Variants in DCAF5 observed in about 807,000 individuals in gnomAD.
DCAF5 encodes the protein DDB1 and CUL4 associated factor 5.
DCAF5 carries 9 observed loss-of-function variants against 80.7 expected under a neutral mutation model. The ratio of observed to expected loss-of-function variants is 0.11; its 90% CI spans 0.07 to 0.19. DCAF5 has a LOEUF of 0.19. Among genes scored for constraint, DCAF5 ranks in the 10% least tolerant of loss-of-function variants. The pLI is 1.00. For synonymous variants in DCAF5, 433 were observed against 461.9 expected (o/e 0.94, Z 0.80); for missense variants, 842 against 1,205.7 (o/e 0.70, Z 4.47).
At chr14:69,124,373 G>A (rs1169105896) in intron 1 of DCAF5, among the ~76,000 whole-genome samples, 7 of 151,996 alleles carry the variant, frequency 4.6e-5, no homozygotes, top group Non-Finnish European at 1.0e-4. Flanking sequence ...TTCCTATACT[G>A]CTTGACTTTT....
intron 6 of DCAF5, chr14:69,083,548 G>T: frequency 2.6e-6 from 1 of 383,798 alleles, no homozygotes. Context: ...AACGGGAGGT[G>T]GAAAGGTTAA....
At chr14:69,062,566 G>A in intron 7 of DCAF5, 55 bp from the exon 8 acceptor site, 2 of 1,596,866 alleles carry the variant, frequency 1.3e-6, no homozygotes, top group East Asian at 4.5e-5. Flanking sequence ...AAAGTAAATA[G>A]GTTCCAGTAA....
At chr14:69,084,532 T>C (rs939300252) in intron 6 of DCAF5, 45 of 757,378 alleles carry the variant, frequency 5.9e-5, no homozygotes, top group Non-Finnish European at 9.9e-5. Context: ...AGCCATTGTA[T>C]GTTGGTGTTG....
At chr14:69,057,970 C>T (rs191345496) in intron 8 of DCAF5, among the ~76,000 whole-genome samples, 1 of 152,262 alleles carries the variant, frequency 6.6e-6, no homozygotes, top group East Asian at 1.9e-4. Context: ...GAGAATGATA[C>T]CAAAGCCCAT....
chr14:69,148,388 T>G (rs778101006), intron 1 of DCAF5, among the ~76,000 whole-genome samples: 6 of 152,110 alleles, frequency 3.9e-5, no homozygotes, highest in Non-Finnish European at 8.8e-5. Context: ...AAGTATAAGC[T>G]AGTCTTTATA....
At chr14:69,065,294 A>G (rs756961343) in intron 7 of DCAF5, among the ~76,000 whole-genome samples, 1 of 151,988 alleles carries the variant, frequency 6.6e-6, no homozygotes, top group Non-Finnish European at 1.5e-5. Context: ...ACGGGGTTTC[A>G]CCATCTTAGC....
chr14:69,090,172 A>T, intron 6 of DCAF5: 11 of 938,622 alleles, frequency 1.2e-5, no homozygotes, highest in Non-Finnish European at 1.4e-5. Flanking sequence ...AAAAGCAAAG[A>T]AAGAAGGAAA....
At chr14:69,061,238 T>A (rs1373520808) in intron 8 of DCAF5, among the ~76,000 whole-genome samples, 4 of 152,272 alleles carry the variant, frequency 2.6e-5, no homozygotes, top group Non-Finnish European at 4.4e-5. Context: ...GTGATCCTTT[T>A]GCCTCAGCCT....
chr14:69,055,240 G>T lies in DCAF5; in HGVS notation c.1446C>A (p.His482Gln), dbSNP rs759538384. 21 of 1,614,126 alleles carry T rather than the reference G, an allele frequency of 1.3e-5. No individual in the cohort carries two copies. Among genetic ancestry groups the T allele is most frequent in the Non-Finnish European group, 1.7e-5 (20 of 1,180,046 alleles). The change falls in exon 9 of 9, where the codon CAC becomes CAA. Residue 482 changes from histidine (H) to glutamine (Q), a missense_variant. Physicochemically the swap from His to Gln is conservative, Grantham distance 24. Coordinates refer to ENST00000341516, the MANE Select transcript of DCAF5 (RefSeq NM_003861.3). This position sits in a 1 kb window ranked among gnomAD's most constrained non-coding sequence, Gnocchi z 5.6. ...TGGTGGTGACCCGCAGGGGCCCCAG[G>T]TGGAAGGCGTTGTCGGCAGACTCAT... ...TVDESADNAF[H>Q]LGPLRVTTTN...
intron 5 of DCAF5, among the ~76,000 whole-genome samples, chr14:69,109,298 C>T (rs959686094): frequency 6.7e-6 from 1 of 150,304 alleles, no homozygotes; most frequent in Non-Finnish European, 1.5e-5. Flanking sequence ...GAGTTGAGAT[C>T]GCGCCACTCT....
intron 5 of DCAF5, among the ~76,000 whole-genome samples, chr14:69,098,161 C>G (rs2139992536): frequency 6.6e-6 from 1 of 152,306 alleles, no homozygotes; most frequent in African/African-American, 2.4e-5. Flanking sequence ...CCTTATTCAA[C>G]TTCAACCACA....
At chr14:69,115,326 G>A (rs1239749205) in intron 5 of DCAF5, among the ~76,000 whole-genome samples, 2 of 152,064 alleles carry the variant, frequency 1.3e-5, no homozygotes, top group Admixed American at 1.3e-4. Flanking sequence ...CACACCTCTG[G>A]GCTACACCGA....
At chr14:69,075,292 A>G in intron 7 of DCAF5, 53 bp downstream of exon 7, 1 of 1,498,022 alleles carries the variant, frequency 6.7e-7, no homozygotes, top group Non-Finnish European at 9.2e-7. Context: ...ACAGCATGCC[A>G]AAGGTCAACA....
At chr14:69,092,529 C>T (rs541395491) in intron 5 of DCAF5, among the ~76,000 whole-genome samples, 4 of 152,124 alleles carry the variant, frequency 2.6e-5, no homozygotes, top group African/African-American at 9.6e-5. Context: ...GAGGAGGGAG[C>T]GCCACTTGAG....
In DCAF5 at chr14:69,091,734, A is replaced by T; in HGVS notation, c.819T>A (p.Asn273Lys). ...TGGTGCATGAGTTGAAGTAACCCTG[A>T]TTGTCAAACTGAAACACAGGCAGGC... Reference protein sequence around the residue: ...HSRLPVFQFDNQGYFNSCTMK... With the variant: ...HSRLPVFQFDKQGYFNSCTMK... Residue 273 changes from asparagine to lysine, a missense_variant, in exon 6 of 9, where the codon AAT (asparagine) becomes AAA (lysine). This residue lies in a region of DCAF5 where 142 missense variants were observed against 311.9 expected (regional missense o/e 0.46). Transcript: ENST00000341516. The T allele has an allele frequency of 6.2e-7, 1 of 1,614,196 alleles. No homozygotes were observed. The highest frequency in any genetic ancestry group is 8.5e-7 in the Non-Finnish European group (1 of 1,180,004).
At chr14:69,065,461 GT>G (rs1377600189) in intron 7 of DCAF5, among the ~76,000 whole-genome samples, 1 of 152,064 alleles carries the variant, frequency 6.6e-6, no homozygotes, top group Non-Finnish European at 1.5e-5. Flanking sequence ...ACCCATGCTG[GT>G]ACCTAGGAAA....
chr14:69,095,293 T>G (rs1390882398), intron 5 of DCAF5, among the ~76,000 whole-genome samples: 1 of 152,182 alleles, frequency 6.6e-6, no homozygotes, highest in Non-Finnish European at 1.5e-5. Flanking sequence ...GAGCAATATA[T>G]TGAAAGAACT....
At chr14:69,124,725 A>G (rs1046847392) in intron 1 of DCAF5, among the ~76,000 whole-genome samples, 2 of 152,200 alleles carry the variant, frequency 1.3e-5, no homozygotes, top group Admixed American at 6.5e-5. Flanking sequence ...TATTTTAATG[A>G]AAAATGCACA....
intron 6 of DCAF5, chr14:69,085,433 A>C (rs76716478): frequency 0.011 from 4,931 of 465,624 alleles, 34 homozygotes; most frequent in Non-Finnish European, 0.015. Context: ...TCCTAAAATG[A>C]TTCTTTTCCT....
Sources: gnomAD v4.1 joint callset for allele counts (sites outside exome capture counted in the v4.1 genomes callset) on GRCh38, gnomAD v4.1.1 for gene constraint, gnomAD v4.1.1 regional missense constraint, Gnocchi (gnomAD v3.1) non-coding constraint, MANE v1.5 for transcripts, NCBI Gene and HGNC (gene_info 2026-07-23, HGNC 2026-07-21) for gene names.